Variants in NUP205 observed in about 807,000 individuals in gnomAD.
The protein encoded by NUP205 is nucleoporin 205.
In NUP205, 76 loss-of-function variants were observed where a neutral mutation model predicts 253.8. The ratio of observed to expected loss-of-function variants is 0.30; its 90% confidence interval spans 0.25 to 0.36. The LOEUF is 0.36. NUP205 is among the 10% of genes least tolerant of loss of function. The pLI, the probability that NUP205 is intolerant of heterozygous loss-of-function variation, is 1.00. For missense variants in NUP205, 2,162 were observed against 2,425.5 expected (o/e 0.89, Z 2.28); for synonymous variants, 832 against 850.1 (o/e 0.98, Z 0.37).
At chr7:135,581,554 TA>T (rs199866956) in intron 7 of NUP205, among the ~76,000 whole-genome samples, 5,130 of 143,304 alleles carry the variant, frequency 0.036, 119 homozygotes, top group Middle Eastern at 0.12. Flanking sequence ...CAAAAAAAAT[TA>T]AAAAAACAAG....
chr7:135,628,195 T>A, intron 34 of NUP205, 84 bp downstream of exon 34: 1 of 1,322,578 alleles, frequency 7.6e-7, no homozygotes, highest in Non-Finnish European at 1.0e-6. Flanking sequence ...ATAGAATGCT[T>A]AAGTGAATTT....
chr7:135,583,817 T>A (rs897573183), intron 7 of NUP205, among the ~76,000 whole-genome samples: 1 of 151,794 alleles, frequency 6.6e-6, no homozygotes, highest in Non-Finnish European at 1.5e-5. Flanking sequence ...TGTAGTGAAT[T>A]TTTACTTTTG....
At chr7:135,646,337 A>C in intron 42 of NUP205, 106 bp downstream of exon 42, 1 of 806,000 alleles carries the variant, frequency 1.2e-6, no homozygotes. Flanking sequence ...CCGAGACGGG[A>C]GGATTGCTTG....
At chr7:135,630,034 C>A (rs571032840) in intron 34 of NUP205, among the ~76,000 whole-genome samples, 3 of 152,232 alleles carry the variant, frequency 2.0e-5, no homozygotes, top group South Asian at 4.1e-4. Flanking sequence ...AGTTTTCATA[C>A]AGTAGTTCTG....
chr7:135,643,064 G>A, intron 38 of NUP205, 128 bp from the exon 39 acceptor site: 1 of 753,096 alleles, frequency 1.3e-6, no homozygotes, highest in East Asian at 2.5e-5. Context: ...AAGTAATCTT[G>A]GGTTGGTTTT....
chr7:135,572,942 CTT>C (rs1186445399), intron 2 of NUP205, among the ~76,000 whole-genome samples: 21 of 137,520 alleles, frequency 1.5e-4, no homozygotes, highest in African/African-American at 3.5e-4. Flanking sequence ...TGCTTTTTAG[CTT>C]TTTTTTTTTT....
rs1312007313 is a variant in NUP205, at chr7:135,596,888, C to T, written c.2014-480C>T. Among the ~76,000 whole-genome samples, 9 of 148,460 alleles carry T rather than the reference C, an allele frequency of 6.1e-5. No individual in the cohort carries two copies. The East Asian group carries it at 9.8e-4, about 16-fold the overall frequency. On this transcript the variant is annotated intron_variant, in intron 13 of 42. Coordinates refer to ENST00000285968, the MANE Select transcript of NUP205 (RefSeq NM_015135.3). ...AGGAGAATTGCTTGAGCCCAGGAGA[C>T]GGAGGTTGCAGTGAGCCAAGATCAT...
chr7:135,603,256 C>T (rs187190032), intron 18 of NUP205, among the ~76,000 whole-genome samples: 2 of 151,260 alleles, frequency 1.3e-5, no homozygotes, highest in African/African-American at 4.9e-5. Context: ...GCTGGGATTA[C>T]AGGTGAGTGC....
chr7:135,591,648 A>C, intron 11 of NUP205, 48 bp downstream of exon 11: 2 of 1,540,628 alleles, frequency 1.3e-6, no homozygotes, highest in Non-Finnish European at 1.8e-6. Flanking sequence ...TACTCTTTTA[A>C]GTTCAGTATC....
intron 1 of NUP205, among the ~76,000 whole-genome samples, chr7:135,564,144 T>TG (rs1259204059): frequency 6.6e-6 from 1 of 151,674 alleles, no homozygotes; most frequent in Non-Finnish European, 1.5e-5. Flanking sequence ...AGTGGCTCAG[T>TG]CATGGCATAC....
chr7:135,617,574 ATTT>A, intron 26 of NUP205, 25 bp from the exon 27 acceptor site: 1 of 1,568,120 alleles, frequency 6.4e-7, no homozygotes, highest in Non-Finnish European at 8.8e-7. Flanking sequence ...GAAATGTCTT[ATTT>A]TTCTTTCTTT....
chr7:135,596,394 G>A (rs902297457), intron 13 of NUP205, among the ~76,000 whole-genome samples: 9 of 152,192 alleles, frequency 5.9e-5, no homozygotes, highest in African/African-American at 1.9e-4. Flanking sequence ...ATTCCTGAGC[G>A]TACCAATACT....
chr7:135,605,540 C>G (rs1279028713), intron 19 of NUP205, among the ~76,000 whole-genome samples: 1 of 152,278 alleles, frequency 6.6e-6, no homozygotes, highest in East Asian at 1.9e-4. Context: ...GGTGGTACCA[C>G]CCAGCATGAG....
At chr7:135,572,950 T>TC (rs1230892847) in intron 2 of NUP205, among the ~76,000 whole-genome samples, 31 of 148,136 alleles carry the variant, frequency 2.1e-4, no homozygotes, top group Admixed American at 1.9e-3. Flanking sequence ...AGCTTTTTTT[T>TC]TTTTTTCTTT....
intron 10 of NUP205, among the ~76,000 whole-genome samples, chr7:135,590,469 G>T (rs1201798807): frequency 2.6e-5 from 4 of 151,752 alleles, no homozygotes; most frequent in African/African-American, 9.7e-5. Context: ...GCAAATACAT[G>T]AATTCTATCC....
Position 135,616,677 on chromosome 7 carries a change from T to G in NUP205, c.3483T>G (p.Asp1161Glu). ...CAGATGGTGAAGGAGGAATAGAAGA[T>G]GAAAACAGGTCTGTTTCTGGGTTCC... ...PYSDGEGGIE[D>E]ENRSVSGFLH... The change falls in exon 25 of 43, where the codon GAT (aspartate) becomes GAG (glutamate). Residue 1161 changes from aspartate (D) to glutamate (E), a missense_variant. Coordinates refer to ENST00000285968, the MANE Select transcript of NUP205 (RefSeq NM_015135.3). 2 of 1,569,790 alleles carry G rather than the reference T, an allele frequency of 1.3e-6. No individual in the cohort carries two copies. The highest frequency in any genetic ancestry group is 1.7e-6 in the Non-Finnish European group (2 of 1,162,178).
intron 1 of NUP205, among the ~76,000 whole-genome samples, chr7:135,564,136 T>C (rs1054680606): frequency 2.0e-5 from 3 of 151,958 alleles, no homozygotes; most frequent in Admixed American, 2.0e-4. Flanking sequence ...TGGAGTGCAG[T>C]GGCTCAGTCA....
At chr7:135,628,198 G>C (rs1024478383) in intron 34 of NUP205, 87 bp downstream of exon 34, 11 of 1,268,202 alleles carry the variant, frequency 8.7e-6, no homozygotes, top group Middle Eastern at 4.2e-4. Flanking sequence ...GAATGCTTAA[G>C]TGAATTTACG....
At chr7:135,612,556 A>C (rs73725193) in intron 22 of NUP205, among the ~76,000 whole-genome samples, 5,190 of 152,276 alleles carry the variant, frequency 0.034, 116 homozygotes, top group Middle Eastern at 0.1. Context: ...AATGCAAAAA[A>C]CGTGGCACTA....
Sources: gnomAD v4.1 joint callset for allele counts (sites outside exome capture counted in the v4.1 genomes callset) on GRCh38, gnomAD v4.1.1 for gene constraint, MANE v1.5 for transcripts, NCBI Gene and HGNC (gene_info 2026-07-23, HGNC 2026-07-21) for gene names.